LONRF3: variants seen among roughly 807,000 people sequenced by gnomAD.
The protein encoded by LONRF3 is LON peptidase N-terminal domain and RING finger protein 3.
A neutral mutation model predicts 51.7 loss-of-function variants in LONRF3; 19 were observed. The ratio of observed to expected loss-of-function variants is 0.37; its 90% CI spans 0.26 to 0.54. LONRF3 has a LOEUF of 0.54. Ranked by LOEUF, LONRF3 falls within the 20% of genes least tolerant of loss-of-function variation. The pLI is 0.86. For missense variants in LONRF3, 521 were observed against 623.9 expected (o/e 0.84, Z 1.76); for synonymous variants, 265 against 257.8 (o/e 1.03, Z -0.27).
rs760789941 is a variant in LONRF3 at position 118,974,740 on chromosome X, C to T, written c.-41C>T. 28 of 1,081,938 alleles carry T rather than the reference C, an allele frequency of 2.6e-5. No homozygotes were observed. The East Asian group carries it at 4.7e-4, about 18-fold the overall frequency. The allele number at this position is 1,081,938 out of a possible 1,213,427, so 89.2% of individuals were successfully genotyped here. ...GCTGCCACTCCTTGCTTCGTGTCCC[C>T]GGTCCCTAGACGCCTCGTCTCCTCC... On this transcript the variant is annotated 5_prime_UTR_variant, in exon 1 of 11. Coordinates refer to ENST00000371628, the MANE Select transcript of LONRF3 (RefSeq NM_001031855.3).
intron 9 of LONRF3, among the ~76,000 whole-genome samples, chrX:119,013,662 AGAAAGAT>A (rs1925263038): frequency 8.9e-6 from 1 of 112,382 alleles, no homozygotes. Flanking sequence ...CCCCTAAGGC[AGAAAGAT>A]GACACATCTA....
rs1304148717 is a variant in LONRF3 at position 118,975,669 on chromosome X, G to A, written c.817+72G>A. The A allele has an allele frequency of 7.5e-6, 6 of 801,554 alleles. No homozygotes were observed. In the African/African-American group the frequency reaches 1.2e-4, roughly 16 times the overall value. 66.1% of individuals were successfully genotyped at this position (801,554 alleles called of 1,213,427 possible). On this transcript the variant is annotated intron_variant, in intron 1 of 10. Transcript: ENST00000371628. ...ATGAGGGAGCGGGAGAACAAACCCCGCAGCGAGAAGGGATTTGGACCAGGG... is the reference window on the plus strand; with the variant it reads ...ATGAGGGAGCGGGAGAACAAACCCCACAGCGAGAAGGGATTTGGACCAGGG...
intron 1 of LONRF3, among the ~76,000 whole-genome samples, chrX:118,976,159 C>A (rs1006720220): frequency 1.8e-5 from 2 of 113,138 alleles, no homozygotes; most frequent in Non-Finnish European, 3.8e-5. Context: ...GTTGCCCCTT[C>A]CGGGGCCGCG....
At chrX:119,012,984 A>G in intron 8 of LONRF3, 55 bp from the exon 9 acceptor site, 1 of 1,202,325 alleles carries the variant, frequency 8.3e-7, no homozygotes, top group South Asian at 1.8e-5. Flanking sequence ...GTGCCAGCCC[A>G]GGGAAACAGA....
In LONRF3 at chrX:118,993,321, A is replaced by G. The variant is rs749038959; in HGVS notation, c.1415+2761A>G. 2.7e-5 allele frequency among the ~76,000 whole-genome samples: 3 copies of G among 112,008 alleles called. No individual in the cohort carries two copies. The South Asian group carries it at 1.1e-3, about 42-fold the overall frequency. Reference sequence around the variant, plus strand: ...AAATATTCATGGAAATAGGTAGCTTAAAGAAAAAACAATAAAAAATTCAGG... The same window carrying G: ...AAATATTCATGGAAATAGGTAGCTTGAAGAAAAAACAATAAAAAATTCAGG... On this transcript the variant is annotated intron_variant, in intron 5 of 10. Transcript: ENST00000371628.
rs769740214 is a variant in LONRF3 at position 118,999,804 on chromosome X, T to TCAAAA, written c.1416-6300_1416-6296dup. ...CTGCCCCTCCGTTCTAAGTGAGACT[T>TCAAAA]CAAAACAAAACAAAACAAAACCCTC... On this transcript the variant is annotated intron_variant, in intron 5 of 10. Coordinates refer to ENST00000371628, the MANE Select transcript of LONRF3 (RefSeq NM_001031855.3). 8.1e-5 allele frequency among the ~76,000 whole-genome samples: 9 copies of TCAAAA among 111,716 alleles called. No homozygotes were observed. The South Asian group carries it at 1.1e-3, about 14-fold the overall frequency.
chrX:118,983,992 A>G (rs191716317), intron 3 of LONRF3, among the ~76,000 whole-genome samples: 46 of 111,859 alleles, frequency 4.1e-4, no homozygotes, highest in Admixed American at 1.6e-3. Context: ...CAAGCTGTGG[A>G]CCCTTCTCCA....
At chrX:119,000,566 C>T (rs5910479) in intron 5 of LONRF3, among the ~76,000 whole-genome samples, 2,354 of 111,732 alleles carry the variant, frequency 0.021, 36 homozygotes, top group Non-Finnish European at 0.032. Flanking sequence ...TTACCTTAGC[C>T]ATTGGGGGCC....
intron 5 of LONRF3, among the ~76,000 whole-genome samples, chrX:119,002,793 GTTTTTTTATTT>G (rs1199542239): frequency 1.8e-5 from 2 of 110,416 alleles, no homozygotes; most frequent in Admixed American, 1.9e-4. Context: ...GCTTCTTCTT[GTTTTTTTATTT>G]TTTTTTTATT....
At chrX:119,002,632 C>T (rs757815453) in intron 5 of LONRF3, among the ~76,000 whole-genome samples, 4 of 110,647 alleles carry the variant, frequency 3.6e-5, no homozygotes, top group Non-Finnish European at 7.6e-5. Flanking sequence ...ATTTTCTGTT[C>T]GCTTCCTTCT....
chrX:119,015,773 A>T (rs975144108), intron 10 of LONRF3, among the ~76,000 whole-genome samples: 1 of 112,235 alleles, frequency 8.9e-6, no homozygotes, highest in African/African-American at 3.2e-5. Flanking sequence ...TTCTGTTATT[A>T]TGTTGCTTTG....
intron 6 of LONRF3, among the ~76,000 whole-genome samples, chrX:119,008,563 G>GT (rs1171785525): frequency 2.7e-5 from 3 of 111,870 alleles, no homozygotes; most frequent in African/African-American, 9.8e-5. Flanking sequence ...ATATTTAGCT[G>GT]TTTGTGTTTT....
intron 7 of LONRF3, among the ~76,000 whole-genome samples, chrX:119,009,558 G>A (rs1440915843): frequency 2.7e-5 from 3 of 111,446 alleles, no homozygotes; most frequent in African/African-American, 9.8e-5. Flanking sequence ...CATAAACAGG[G>A]GAACTTAACG....
intron 5 of LONRF3, among the ~76,000 whole-genome samples, chrX:118,998,500 G>A (rs186946426): frequency 3.0e-3 from 326 of 110,383 alleles, no homozygotes; most frequent in African/African-American, 9.5e-3. Flanking sequence ...CTACAAATAC[G>A]GTGCAGTGTA....
intron 7 of LONRF3, among the ~76,000 whole-genome samples, chrX:119,009,915 A>G (rs1291758253): frequency 9.0e-6 from 1 of 110,510 alleles, no homozygotes; most frequent in Admixed American, 9.6e-5. Context: ...GATTACAGGC[A>G]TGCACCACCA....
intron 7 of LONRF3, among the ~76,000 whole-genome samples, chrX:119,011,142 C>T (rs1172353356): frequency 1.8e-5 from 2 of 109,550 alleles, no homozygotes; most frequent in Admixed American, 1.9e-4. Context: ...AAAAGAAAGA[C>T]CCTTGGGTCC....
Position 119,003,985 on chromosome X carries a change from G to C in LONRF3, c.1416-2136G>C, listed in dbSNP as rs189192099. On this transcript the variant is annotated intron_variant, in intron 5 of 10. Coordinates refer to ENST00000371628, the MANE Select transcript of LONRF3 (RefSeq NM_001031855.3). The stretch of plus-strand genomic sequence containing the variant: ...GAACTATAATTGTGTGTGCACGTGT[G>C]TGTGTATTTATCTAGTAACTTTGTT... 2.9e-5 allele frequency among the ~76,000 whole-genome samples: 3 copies of C among 104,606 alleles called. No homozygotes were observed. The East Asian group carries it at 8.5e-4, about 29-fold the overall frequency. 90.8% of individuals were successfully genotyped at this position (104,606 alleles called of 115,157 possible). A position where few individuals can be genotyped will look rare whatever the true frequency, so the allele number is the denominator to read the frequency against.
intron 7 of LONRF3, 111 bp downstream of exon 7, chrX:119,009,358 A>T (rs1052596843): frequency 1.7e-5 from 14 of 825,612 alleles, no homozygotes; most frequent in Middle Eastern, 9.3e-4. Context: ...AGCTGCTTGA[A>T]ATTGGCTATG....
At chrX:118,982,993 C>T in intron 3 of LONRF3, 50 bp downstream of exon 3, 1 of 1,174,401 alleles carries the variant, frequency 8.5e-7, no homozygotes, top group African/African-American at 1.8e-5. Flanking sequence ...CCTCCCCTCT[C>T]TGTCTTATCT....
Sources: gnomAD v4.1 joint callset for allele counts (sites outside exome capture counted in the v4.1 genomes callset) on GRCh38, gnomAD v4.1.1 for gene constraint, MANE v1.5 for transcripts, NCBI Gene and HGNC (gene_info 2026-07-23, HGNC 2026-07-21) for gene names.